LDB2: variants seen among roughly 807,000 people sequenced by gnomAD.
The protein encoded by LDB2 is LIM domain-binding protein 2.
A neutral mutation model predicts 44.3 loss-of-function variants in LDB2; 12 were observed. The observed-to-expected ratio is 0.27, with a 90% CI of 0.17 to 0.44. LDB2 has a LOEUF of 0.44. Ranked by LOEUF, LDB2 falls within the 20% of genes least tolerant of loss-of-function variation. The pLI is 1.00. For synonymous variants in LDB2, 164 were observed against 174.8 expected (o/e 0.94, Z 0.49); for missense variants, 344 against 473.5 (o/e 0.73, Z 2.54).
intron 5 of LDB2, among the ~76,000 whole-genome samples, chr4:16,573,680 T>C (rs1456421892): frequency 6.6e-6 from 1 of 152,194 alleles, no homozygotes; most frequent in African/African-American, 2.4e-5. Flanking sequence ...TTTTCTGGTG[T>C]GGCTTCTGCC....
intron 2 of LDB2, among the ~76,000 whole-genome samples, chr4:16,736,007 C>T (rs283021): frequency 0.52 from 79,479 of 151,950 alleles, 21,061 homozygotes; most frequent in East Asian, 0.78. Flanking sequence ...GGAGCTGGAC[C>T]TATAGATGCC....
At chr4:16,679,117 G>A (rs1033358591) in intron 2 of LDB2, among the ~76,000 whole-genome samples, 2 of 152,284 alleles carry the variant, frequency 1.3e-5, no homozygotes, top group African/African-American at 2.4e-5. Context: ...TATAAACGGT[G>A]CAAATGTAAT....
At chr4:16,807,271 A>G (rs1778959381) in intron 1 of LDB2, among the ~76,000 whole-genome samples, 1 of 152,220 alleles carries the variant, frequency 6.6e-6, no homozygotes, top group Non-Finnish European at 1.5e-5. Context: ...TCTTATTGCA[A>G]TTATTATTAT....
At chr4:16,648,175 T>G (rs947038831) in intron 2 of LDB2, among the ~76,000 whole-genome samples, 4 of 152,236 alleles carry the variant, frequency 2.6e-5, no homozygotes, top group African/African-American at 9.6e-5. Flanking sequence ...AGATGTTCTC[T>G]TCTCATTTTA....
intron 2 of LDB2, among the ~76,000 whole-genome samples, chr4:16,625,534 T>C (rs1239417039): frequency 1.3e-5 from 2 of 152,172 alleles, no homozygotes; most frequent in African/African-American, 4.8e-5. Context: ...TTGATACATA[T>C]TTGGTGAATA....
intron 1 of LDB2, among the ~76,000 whole-genome samples, chr4:16,792,874 C>A (rs1182861886): frequency 6.6e-6 from 1 of 152,206 alleles, no homozygotes; most frequent in East Asian, 1.9e-4. Context: ...TTTCAGCATA[C>A]TGTTGTAGAA....
At chr4:16,896,656 CT>C (rs36043249) in intron 1 of LDB2, among the ~76,000 whole-genome samples, 1 of 135,766 alleles carries the variant, frequency 7.4e-6, no homozygotes, top group Non-Finnish European at 1.7e-5. Context: ...TCCCTGGCCT[CT>C]TTTTTTATAA....
Position 16,693,809 on chromosome 4 carries a change from T to C in LDB2, c.235+65349A>G, listed in dbSNP as rs76033892. 5.4e-3 allele frequency among the ~76,000 whole-genome samples: 819 copies of C among 152,324 alleles called. 10 individuals carry two copies. Among genetic ancestry groups the C allele is most frequent in the African/African-American group, 0.019 (786 of 41,570 alleles). ...ATCTTTTTCTTTCTGCTGAGGCACA[T>C]GTTCCAATGCTGACACTAGCCAGAA... On this transcript the variant is annotated intron_variant, in intron 2 of 7. Coordinates refer to ENST00000304523, the MANE Select transcript of LDB2 (RefSeq NM_001290.5).
intron 5 of LDB2, among the ~76,000 whole-genome samples, chr4:16,556,973 G>T (rs1052790440): frequency 2.6e-5 from 4 of 152,120 alleles, no homozygotes; most frequent in African/African-American, 9.7e-5. Flanking sequence ...AAATCTATGT[G>T]TTGATATTAT....
At chr4:16,562,767 G>A (rs1328776342) in intron 5 of LDB2, among the ~76,000 whole-genome samples, 2 of 152,140 alleles carry the variant, frequency 1.3e-5, no homozygotes, top group African/African-American at 2.4e-5. Flanking sequence ...ACATGCACAC[G>A]TATGTTTATT....
intron 1 of LDB2, among the ~76,000 whole-genome samples, chr4:16,841,940 C>T (rs1317886516): frequency 6.6e-6 from 1 of 152,098 alleles, no homozygotes. Flanking sequence ...ACACAAAGAT[C>T]CTCCCCAGTT....
intron 2 of LDB2, among the ~76,000 whole-genome samples, chr4:16,634,079 G>A (rs1297758438): frequency 6.6e-6 from 1 of 152,030 alleles, no homozygotes; most frequent in African/African-American, 2.4e-5. Flanking sequence ...ACTGAAACTG[G>A]ACCCCTTTCT....
chr4:16,730,075 ATTCT>A, intron 2 of LDB2, among the ~76,000 whole-genome samples: 1 of 152,168 alleles, frequency 6.6e-6, no homozygotes, highest in South Asian at 2.1e-4. Context: ...GTTCTATTCT[ATTCT>A]GTTTTCATTT....
At chr4:16,762,571 A>C (rs1053215219) in intron 1 of LDB2, among the ~76,000 whole-genome samples, 7 of 152,154 alleles carry the variant, frequency 4.6e-5, no homozygotes, top group Non-Finnish European at 1.0e-4. Context: ...AAACCATCAG[A>C]TCTCGTGAGA....
At chr4:16,806,117 A>G (rs1166771827) in intron 1 of LDB2, among the ~76,000 whole-genome samples, 1 of 152,246 alleles carries the variant, frequency 6.6e-6, no homozygotes, top group East Asian at 1.9e-4. Flanking sequence ...ACTGAGTAAC[A>G]GTGAAGGAAA....
intron 2 of LDB2, among the ~76,000 whole-genome samples, chr4:16,626,539 C>T (rs957020830): frequency 6.6e-6 from 1 of 152,210 alleles, no homozygotes; most frequent in African/African-American, 2.4e-5. Context: ...TGCTTGAAAT[C>T]TAGCCAGGTT....
At chr4:16,575,441 A>G (rs577312994) in intron 5 of LDB2, among the ~76,000 whole-genome samples, 83 of 152,368 alleles carry the variant, frequency 5.4e-4, no homozygotes, top group Admixed American at 7.8e-4. Flanking sequence ...AATCTGCACT[A>G]GAGACCAAAT....
At chr4:16,799,120 T>G (rs1777286172) in intron 1 of LDB2, among the ~76,000 whole-genome samples, 1 of 152,244 alleles carries the variant, frequency 6.6e-6, no homozygotes, top group African/African-American at 2.4e-5. Flanking sequence ...CCCGAAGTGT[T>G]GGGATTACAG....
chr4:16,768,548 CA>C (rs145820467), intron 1 of LDB2, among the ~76,000 whole-genome samples: 25 of 148,376 alleles, frequency 1.7e-4, no homozygotes, highest in African/African-American at 2.5e-4. Flanking sequence ...AGAAAGAAGA[CA>C]AAAAAAAAAT....
Sources: allele counts gnomAD v4.1 joint callset (sites outside exome capture counted in the v4.1 genomes callset), GRCh38; gene constraint gnomAD v4.1.1; transcripts MANE v1.5; gene names NCBI Gene and HGNC (gene_info 2026-07-23, HGNC 2026-07-21).